Variants in KLF7 observed in about 807,000 individuals in gnomAD.
KLF7 encodes KLF transcription factor 7.
A neutral mutation model predicts 27.3 loss-of-function variants in KLF7; 2 were observed. That is an observed-to-expected ratio of 0.07 (90% CI 0.03 to 0.23). The LOEUF is 0.23. Ranked by LOEUF, KLF7 falls within the 10% of genes least tolerant of loss-of-function variation. KLF7 has a pLI of 1.00. For synonymous variants in KLF7, 165 were observed against 162.4 expected (o/e 1.02, Z -0.12); for missense variants, 221 against 394.1 (o/e 0.56, Z 3.72).
chr2:207,124,952 G>C (rs1209749994), intron 1 of KLF7, among the ~76,000 whole-genome samples: 1 of 152,148 alleles, frequency 6.6e-6, no homozygotes, highest in African/African-American at 2.4e-5. Context: ...CCCTGCCTTG[G>C]GGATGGATTC....
chr2:207,108,333 G>A (rs953826577), intron 2 of KLF7, among the ~76,000 whole-genome samples: 15 of 152,190 alleles, frequency 9.9e-5, no homozygotes, highest in South Asian at 4.1e-4. Flanking sequence ...ATTGGGTTGG[G>A]GGCCCCGCCA....
At chr2:207,087,222 T>TG (rs1292418460) in intron 3 of KLF7, among the ~76,000 whole-genome samples, 1 of 151,408 alleles carries the variant, frequency 6.6e-6, no homozygotes, top group African/African-American at 2.4e-5. Flanking sequence ...AGCCCTGGAG[T>TG]GGGAGGTTAT....
At chr2:207,093,110 G>A (rs2076548448) in intron 2 of KLF7, among the ~76,000 whole-genome samples, 1 of 152,138 alleles carries the variant, frequency 6.6e-6, no homozygotes, top group South Asian at 2.1e-4. Flanking sequence ...GGGGGCCTTA[G>A]TCTATATATT....
chr2:207,083,503 G>T (rs938198850), intron 3 of KLF7, among the ~76,000 whole-genome samples: 5 of 152,128 alleles, frequency 3.3e-5, no homozygotes, highest in Non-Finnish European at 1.5e-5. Flanking sequence ...TCAGAAAGAG[G>T]ATTTGAACAC....
chr2:207,170,864 C>A (rs1042885753), upstream of KLF7, among the ~76,000 whole-genome samples: 3 of 152,038 alleles, frequency 2.0e-5, no homozygotes, highest in Non-Finnish European at 4.4e-5. Context: ...AGGAGTTGTA[C>A]ATGTTGTTGT....
chr2:207,131,339 A>G (rs1486686818), intron 1 of KLF7, among the ~76,000 whole-genome samples: 7 of 152,232 alleles, frequency 4.6e-5, no homozygotes. Flanking sequence ...GCTATTAACC[A>G]TGGTGTCACA....
intron 2 of KLF7, among the ~76,000 whole-genome samples, chr2:207,109,474 T>C (rs2076970073): frequency 6.6e-6 from 1 of 152,158 alleles, no homozygotes; most frequent in Non-Finnish European, 1.5e-5. Context: ...CTTTGAAAAA[T>C]GATTCTTTCA....
intron 2 of KLF7, among the ~76,000 whole-genome samples, chr2:207,120,715 C>A (rs1018923754): frequency 1.3e-5 from 2 of 152,202 alleles, no homozygotes; most frequent in African/African-American, 4.8e-5. Flanking sequence ...CAACTCCAGT[C>A]CTTGTATCAG....
intron 1 of KLF7, among the ~76,000 whole-genome samples, chr2:207,125,464 T>C (rs2077453977): frequency 6.6e-6 from 1 of 152,224 alleles, no homozygotes; most frequent in African/African-American, 2.4e-5. Flanking sequence ...ATGGCAAATT[T>C]AAAATGTGAC....
chr2:207,141,841 A>G (rs2077951324), intron 1 of KLF7, among the ~76,000 whole-genome samples: 2 of 152,124 alleles, frequency 1.3e-5, no homozygotes, highest in African/African-American at 4.8e-5. Context: ...CTCTTAGGGT[A>G]GTTATCAGCT....
chr2:207,145,410 GACA>G (rs1208446185), intron 1 of KLF7, among the ~76,000 whole-genome samples: 2 of 152,170 alleles, frequency 1.3e-5, no homozygotes, highest in Non-Finnish European at 2.9e-5. Context: ...TATAAAGTAT[GACA>G]ACTTTTTTGC....
intron 2 of KLF7, among the ~76,000 whole-genome samples, chr2:207,103,298 T>C (rs191729933): frequency 6.6e-6 from 1 of 152,226 alleles, no homozygotes; most frequent in Non-Finnish European, 1.5e-5. Flanking sequence ...GAAAACTAGA[T>C]TCCTGGAAAG....
At chr2:207,100,156 A>G (rs560506232) in intron 2 of KLF7, among the ~76,000 whole-genome samples, 2 of 147,850 alleles carry the variant, frequency 1.4e-5, no homozygotes, top group African/African-American at 5.0e-5. Flanking sequence ...AAGAGCCCAA[A>G]TTAGATAATT....
At chr2:207,144,168 G>GGA (rs1384086950) in intron 1 of KLF7, among the ~76,000 whole-genome samples, 36 of 64,634 alleles carry the variant, frequency 5.6e-4, no homozygotes, top group African/African-American at 2.0e-3. Flanking sequence ...GCGGGGGGGA[G>GGA]AAAAAAAAAA....
At chr2:207,161,499 GAC>G (rs1426354775) in intron 1 of KLF7, among the ~76,000 whole-genome samples, 4 of 152,212 alleles carry the variant, frequency 2.6e-5, no homozygotes, top group African/African-American at 9.6e-5. Context: ...CCTACGGATG[GAC>G]AGACCCTACA....
At chr2:207,153,976 GT>G (rs1485352750) in intron 1 of KLF7, among the ~76,000 whole-genome samples, 1 of 152,150 alleles carries the variant, frequency 6.6e-6, no homozygotes, top group Non-Finnish European at 1.5e-5. Context: ...AATCTTTTGA[GT>G]TTTATAGCAG....
Position 207,075,554 on chromosome 2 carries a change from G to T in KLF7, c.*5659C>A, listed in dbSNP as rs1017548145. On this transcript the variant is annotated 3_prime_UTR_variant, in exon 4 of 4. Coordinates refer to ENST00000309446, the MANE Select transcript of KLF7 (RefSeq NM_003709.4). ...TAGACACATCTGGCAAAAAGAAAAT[G>T]TATAGTGCAAAAATAAATTTATTCA... is the stretch of plus-strand genomic sequence containing the variant. 2.0e-5 allele frequency: 3 copies of T among 151,782 alleles called. No homozygotes were observed. The highest frequency in any genetic ancestry group is 7.3e-5 in the African/African-American group (3 of 41,324). 9.4% of individuals were successfully genotyped at this position (151,782 alleles called of 1,614,324 possible). A position where few individuals can be genotyped will look rare whatever the true frequency, so the allele number is the denominator to read the frequency against.
At position 207,081,084 on chromosome 2, in the gene KLF7, T is replaced by TGTAC; in HGVS notation, c.*128_*129insGTAC. The TGTAC allele has an allele frequency of 1.3e-6, 1 of 754,802 alleles. No homozygotes were observed. The highest frequency in any genetic ancestry group is 2.4e-6 in the Non-Finnish European group (1 of 418,396). 46.8% of individuals were successfully genotyped at this position (754,802 alleles called of 1,614,324 possible). ...ATATGTGTGTGTGTGTGTGTGTGTG[T>TGTAC]ACAGAGGTTTATAAGTGAGAACTTT... On this transcript the variant is annotated 3_prime_UTR_variant, in exon 4 of 4. Coordinates refer to ENST00000309446, the MANE Select transcript of KLF7 (RefSeq NM_003709.4).
intron 1 of KLF7, among the ~76,000 whole-genome samples, chr2:207,135,599 A>G (rs2077761651): frequency 6.6e-6 from 1 of 152,216 alleles, no homozygotes; most frequent in Non-Finnish European, 1.5e-5. Flanking sequence ...GAGTAATTGA[A>G]TCAACTCCCA....
Sources: allele counts gnomAD v4.1 joint callset (sites outside exome capture counted in the v4.1 genomes callset), GRCh38; gene constraint gnomAD v4.1.1; transcripts MANE v1.5; gene names NCBI Gene and HGNC (gene_info 2026-07-23, HGNC 2026-07-21).